Variants in SDK1 observed in about 807,000 individuals in gnomAD.
The protein encoded by SDK1 is sidekick cell adhesion molecule 1.
A neutral mutation model predicts 245.5 loss-of-function variants in SDK1; 157 were observed. The observed-to-expected ratio is 0.64, with a 90% confidence interval of 0.56 to 0.73. SDK1 has a LOEUF of 0.73. Among genes scored for constraint, SDK1 ranks in the 30% least tolerant of loss-of-function variants. The pLI, the probability that SDK1 is intolerant of heterozygous loss-of-function variation, is 0.00. For synonymous variants in SDK1, 1,647 were observed against 1,278.5 expected (o/e 1.29, Z -6.15); for missense variants, 3,583 against 3,002.3 (o/e 1.19, Z -4.52).
At chr7:3,383,987 A>G (rs188704577) in intron 1 of SDK1, among the ~76,000 whole-genome samples, 68 of 152,296 alleles carry the variant, frequency 4.5e-4, no homozygotes, top group African/African-American at 1.4e-3. Context: ...AATGATTTAG[A>G]TCATTTATTA....
chr7:4,204,004 C>T (rs1415138487), intron 35 of SDK1, among the ~76,000 whole-genome samples: 1 of 152,238 alleles, frequency 6.6e-6, no homozygotes, highest in Non-Finnish European at 1.5e-5. Flanking sequence ...TCACCTGGCG[C>T]TCACAGACCC....
At position 3,706,472 on chromosome 7, in the gene SDK1, G is replaced by T. The variant is rs1034474096; in HGVS notation, c.713+64367G>T. On this transcript the variant is annotated intron_variant, in intron 4 of 44. Coordinates refer to ENST00000404826, the MANE Select transcript of SDK1 (RefSeq NM_152744.4). ...GCTGGAGTGCAGTGGCACGATCTCA[G>T]CTCACTACAAGCTCCGCCTCCTGGG... 2.6e-5 allele frequency among the ~76,000 whole-genome samples: 4 copies of T among 152,292 alleles called. No individual in the cohort carries two copies. In the South Asian group the frequency reaches 8.3e-4, roughly 32 times the overall value.
Position 3,573,831 on chromosome 7 carries a change from GT to G in SDK1, c.299-45245del, listed in dbSNP as rs1253104055. 4.6e-5 allele frequency among the ~76,000 whole-genome samples: 7 copies of G among 151,776 alleles called. 1 individual carries two copies. Among genetic ancestry groups the G allele is most frequent in the Non-Finnish European group, 1.0e-4 (7 of 67,906 alleles). ...CCTTGAAGCCCCCTGCTGTTCTTCTGTTTTCCATTTTCTCCTTCCAGTACTC... is the reference window on the plus strand; with the variant it reads ...CCTTGAAGCCCCCTGCTGTTCTTCTGTTTCCATTTTCTCCTTCCAGTACTC... On this transcript the variant is annotated intron_variant, in intron 1 of 44. Coordinates refer to ENST00000404826, the MANE Select transcript of SDK1 (RefSeq NM_152744.4).
chr7:3,530,168 T>G (rs945525268), intron 1 of SDK1, among the ~76,000 whole-genome samples: 1 of 152,060 alleles, frequency 6.6e-6, no homozygotes, highest in Non-Finnish European at 1.5e-5. Context: ...TTATATTAGC[T>G]CAAAATAGCA....
intron 1 of SDK1, among the ~76,000 whole-genome samples, chr7:3,574,405 C>T (rs570929395): frequency 7.9e-5 from 12 of 152,154 alleles, no homozygotes; most frequent in African/African-American, 2.2e-4. Context: ...CATGAGCCAC[C>T]GTGCCCGGCT....
chr7:3,443,065 CTTT>C (rs11348477), intron 1 of SDK1, among the ~76,000 whole-genome samples: 2 of 147,780 alleles, frequency 1.4e-5, no homozygotes, highest in Admixed American at 6.7e-5. Flanking sequence ...AATCTAAGTG[CTTT>C]TTTTTTTTTT....
chr7:3,658,609 CTTT>C (rs71029690), intron 4 of SDK1, among the ~76,000 whole-genome samples: 5 of 101,956 alleles, frequency 4.9e-5, no homozygotes, highest in Non-Finnish European at 3.8e-5. Flanking sequence ...CTACTATCTT[CTTT>C]TTTTTTTTTT....
intron 1 of SDK1, among the ~76,000 whole-genome samples, chr7:3,460,894 T>G (rs73296751): frequency 0.021 from 3,192 of 152,294 alleles, 138 homozygotes; most frequent in African/African-American, 0.073. Context: ...TAGACTAGAT[T>G]CTTGACTAAA....
At chr7:4,201,459 T>TA (rs1214402468) in intron 35 of SDK1, among the ~76,000 whole-genome samples, 1 of 152,222 alleles carries the variant, frequency 6.6e-6, no homozygotes, top group Non-Finnish European at 1.5e-5. Flanking sequence ...ATACAATTTT[T>TA]AAAAAATCAT....
chr7:3,590,145 TAGC>T (rs1222279124), intron 1 of SDK1, among the ~76,000 whole-genome samples: 1 of 152,244 alleles, frequency 6.6e-6, no homozygotes, highest in East Asian at 1.9e-4. Context: ...GTAAAGCTTA[TAGC>T]AGGTAGCCTC....
chr7:4,010,929 G>T (rs1343395303), intron 14 of SDK1, 37 bp from the exon 15 acceptor site: 1 of 1,610,898 alleles, frequency 6.2e-7, no homozygotes, highest in African/African-American at 1.3e-5. Flanking sequence ...GACATGATAA[G>T]CCTGTGGGCT....
intron 1 of SDK1, among the ~76,000 whole-genome samples, chr7:3,491,722 G>A (rs1422268623): frequency 1.3e-5 from 2 of 152,134 alleles, no homozygotes; most frequent in African/African-American, 2.4e-5. Flanking sequence ...CTCTACTGAA[G>A]GTAACCCGAG....
intron 1 of SDK1, among the ~76,000 whole-genome samples, chr7:3,397,780 G>T (rs1778760611): frequency 6.6e-6 from 1 of 151,880 alleles, no homozygotes; most frequent in East Asian, 1.9e-4. Context: ...TTTGTTCTTA[G>T]GGTTTTTATC....
At chr7:4,219,142 CA>C (rs1324101873) in intron 38 of SDK1, among the ~76,000 whole-genome samples, 2 of 152,186 alleles carry the variant, frequency 1.3e-5, no homozygotes, top group Non-Finnish European at 2.9e-5. Flanking sequence ...TCAATACTTG[CA>C]GTGAAATTAA....
intron 40 of SDK1, among the ~76,000 whole-genome samples, chr7:4,226,665 G>A (rs895188250): frequency 2.0e-5 from 3 of 152,238 alleles, no homozygotes; most frequent in Non-Finnish European, 2.9e-5. Context: ...TGGCCCACAC[G>A]TTCCTTTCTC....
intron 1 of SDK1, among the ~76,000 whole-genome samples, chr7:3,593,188 G>C (rs2128636180): frequency 6.6e-6 from 1 of 152,292 alleles, no homozygotes; most frequent in South Asian, 2.1e-4. Flanking sequence ...TTGACTTTAA[G>C]AACGTATTTA....
intron 1 of SDK1, among the ~76,000 whole-genome samples, chr7:3,321,723 CT>C (rs1198364988): frequency 0.034 from 2,318 of 68,926 alleles, 166 homozygotes; most frequent in African/African-American, 0.13. Context: ...TCCCTCTCCC[CT>C]CTCCCTCCCA....
intron 1 of SDK1, among the ~76,000 whole-genome samples, chr7:3,579,707 C>G (rs77001622): frequency 0.025 from 3,790 of 152,264 alleles, 166 homozygotes; most frequent in African/African-American, 0.086. Context: ...CACTTACACC[C>G]TGTCAGTTGG....
At chr7:3,381,224 A>G (rs939912) in intron 1 of SDK1, among the ~76,000 whole-genome samples, 114,507 of 152,052 alleles carry the variant, frequency 0.75, 43,429 homozygotes, top group South Asian at 0.84. Context: ...AACGAGGGGC[A>G]AGTGGGAGGA....
Sources: gnomAD v4.1 joint callset for allele counts (sites outside exome capture counted in the v4.1 genomes callset) on GRCh38, gnomAD v4.1.1 for gene constraint, MANE v1.5 for transcripts, NCBI Gene and HGNC (gene_info 2026-07-23, HGNC 2026-07-21) for gene names.